Variants in SGCZ observed in about 807,000 individuals in gnomAD.
SGCZ encodes the protein sarcoglycan zeta.
A neutral mutation model predicts 41.3 loss-of-function variants in SGCZ; 40 were observed. The ratio of observed to expected loss-of-function variants is 0.97; its 90% CI spans 0.75 to 1.26. The LOEUF (loss-of-function observed/expected upper bound fraction) is 1.26. Among genes scored for constraint, SGCZ ranks in the 50% most tolerant of loss-of-function variants. The pLI, the probability that SGCZ is intolerant of heterozygous loss-of-function variation, is 0.00. For missense variants in SGCZ, 552 were observed against 369.8 expected, an observed-to-expected ratio of 1.49 and a Z score of -4.04; for synonymous variants, 206 against 137.5, an observed-to-expected ratio of 1.50 and a Z score of -3.49.
At chr8:15,154,953 T>G (rs1009729967) in intron 1 of SGCZ, among the ~76,000 whole-genome samples, 3 of 152,126 alleles carry the variant, frequency 2.0e-5, no homozygotes, top group Admixed American at 2.0e-4. Context: ...TTGTATAATT[T>G]CAAATAGTGA....
chr8:14,614,505 T>C (rs568513592), intron 1 of SGCZ, among the ~76,000 whole-genome samples: 2 of 152,286 alleles, frequency 1.3e-5, no homozygotes, highest in African/African-American at 2.4e-5. Flanking sequence ...AAAATATTTG[T>C]AGCCTTTTAT....
intron 1 of SGCZ, among the ~76,000 whole-genome samples, chr8:14,668,214 C>G (rs1807979949): frequency 6.6e-6 from 1 of 152,200 alleles, no homozygotes; most frequent in Admixed American, 6.5e-5. Context: ...CCCATCTCAG[C>G]CTCCCAAAGT....
At chr8:14,166,443 A>C (rs909981245) in intron 4 of SGCZ, among the ~76,000 whole-genome samples, 7 of 152,146 alleles carry the variant, frequency 4.6e-5, no homozygotes, top group African/African-American at 7.2e-5. Flanking sequence ...GATGTTCAAA[A>C]AACTGTGCCA....
chr8:14,163,947 T>C (rs6992644), intron 5 of SGCZ, among the ~76,000 whole-genome samples: 32,265 of 152,084 alleles, frequency 0.21, 4,194 homozygotes, highest in East Asian at 0.64. Context: ...GTCATGGTTG[T>C]GAATCAAGTA....
chr8:14,453,652 T>A (rs945495761), intron 2 of SGCZ, among the ~76,000 whole-genome samples: 1 of 152,286 alleles, frequency 6.6e-6, no homozygotes, highest in Non-Finnish European at 1.5e-5. Flanking sequence ...TGCTTTACAT[T>A]CTTAGTCAAA....
intron 1 of SGCZ, among the ~76,000 whole-genome samples, chr8:14,631,342 G>T (rs1806646564): frequency 6.6e-6 from 1 of 151,986 alleles, no homozygotes; most frequent in African/African-American, 2.4e-5. Flanking sequence ...AGAGTAATTA[G>T]TGACGTGCTA....
intron 1 of SGCZ, among the ~76,000 whole-genome samples, chr8:14,749,819 T>A (rs1306811223): frequency 3.3e-5 from 5 of 152,148 alleles, no homozygotes; most frequent in Non-Finnish European, 4.4e-5. Flanking sequence ...AAGACGGAAT[T>A]TTTAAAAATT....
At position 14,417,764 on chromosome 8, in the gene SGCZ, T is replaced by C. The variant is rs923473114; in HGVS notation, c.235-93560A>G. On this transcript the variant is annotated intron_variant, in intron 2 of 7. Transcript: ENST00000382080. The stretch of plus-strand genomic sequence containing the variant: ...AAAGGTAACTATGTAAGGTGATAGA[T>C]ATGTAATTAATTTGATTATGGTAAT... Among the ~76,000 whole-genome samples the C allele has an allele frequency of 4.6e-5, 7 of 150,752 alleles. No individual in the cohort carries two copies. In the East Asian group the frequency reaches 1.4e-3, roughly 30 times the overall value.
At chr8:14,990,090 T>TGGGAG (rs1486335193) in intron 1 of SGCZ, among the ~76,000 whole-genome samples, 1 of 152,176 alleles carries the variant, frequency 6.6e-6, no homozygotes, top group Non-Finnish European at 1.5e-5. Context: ...CCCAAAATCA[T>TGGGAG]GGTCAAACGT....
chr8:15,087,637 AGT>A (rs1380557932), intron 1 of SGCZ, among the ~76,000 whole-genome samples: 1 of 152,182 alleles, frequency 6.6e-6, no homozygotes, highest in African/African-American at 2.4e-5. Flanking sequence ...AAAAAATGAC[AGT>A]GTTTATTTAA....
intron 5 of SGCZ, among the ~76,000 whole-genome samples, chr8:14,149,017 G>A (rs976210940): frequency 1.3e-5 from 2 of 152,002 alleles, no homozygotes; most frequent in African/African-American, 2.4e-5. Flanking sequence ...AAAAACCTGG[G>A]TATAGAAGGA....
At chr8:14,331,117 A>G (rs1802304564) in intron 2 of SGCZ, among the ~76,000 whole-genome samples, 1 of 151,882 alleles carries the variant, frequency 6.6e-6, no homozygotes, top group African/African-American at 2.4e-5. Flanking sequence ...TTAAAGACAC[A>G]GTTTCGAGAC....
chr8:14,700,489 G>A (rs1809101295), intron 1 of SGCZ, among the ~76,000 whole-genome samples: 1 of 151,790 alleles, frequency 6.6e-6, no homozygotes, highest in Non-Finnish European at 1.5e-5. Context: ...GGGGAGGGTT[G>A]AAAAACTACC....
At chr8:14,828,764 T>G (rs546473253) in intron 1 of SGCZ, among the ~76,000 whole-genome samples, 1 of 152,266 alleles carries the variant, frequency 6.6e-6, no homozygotes, top group East Asian at 1.9e-4. Flanking sequence ...TGAGAGTGTT[T>G]TGAGAGAATC....
chr8:14,581,226 A>G (rs2117258605), intron 1 of SGCZ, among the ~76,000 whole-genome samples: 1 of 152,110 alleles, frequency 6.6e-6, no homozygotes, highest in East Asian at 1.9e-4. Context: ...CTCCTGCCTC[A>G]GCCATGTGAC....
chr8:14,233,841 G>C lies in SGCZ; in HGVS notation c.424+3751C>G, dbSNP rs182432514. Among the ~76,000 whole-genome samples the C allele has an allele frequency of 2.9e-3, 436 of 151,770 alleles. 1 individual carries two copies. The highest frequency in any genetic ancestry group is 0.01 in the African/African-American group (425 of 41,472). On this transcript the variant is annotated intron_variant, in intron 4 of 7. Coordinates refer to ENST00000382080, the MANE Select transcript of SGCZ (RefSeq NM_139167.4). ...AGATTAAATAGAAAATTTTGACCTG[G>C]AGAATGGTTCTGAGACTCGTTTAAG...
chr8:14,298,605 T>C (rs7465499), intron 3 of SGCZ, among the ~76,000 whole-genome samples: 118,896 of 151,832 alleles, frequency 0.78, 47,680 homozygotes, highest in South Asian at 0.88. Context: ...AAAAATTTTA[T>C]ATACTCAGAA....
intron 1 of SGCZ, among the ~76,000 whole-genome samples, chr8:14,982,106 C>T (rs147585865): frequency 2.3e-4 from 35 of 151,426 alleles, no homozygotes; most frequent in African/African-American, 8.0e-4. Context: ...GCCAGGATCA[C>T]GCCACTGTAC....
chr8:14,469,682 A>G (rs1585557427), intron 2 of SGCZ, among the ~76,000 whole-genome samples: 1 of 151,836 alleles, frequency 6.6e-6, no homozygotes, highest in Non-Finnish European at 1.5e-5. Flanking sequence ...AGAACTTTCA[A>G]CCTCACCCCT....
Sources: gnomAD v4.1 joint callset for allele counts (sites outside exome capture counted in the v4.1 genomes callset) on GRCh38, gnomAD v4.1.1 for gene constraint, MANE v1.5 for transcripts, NCBI Gene and HGNC (gene_info 2026-07-23, HGNC 2026-07-21) for gene names.